The following PCDHA4 variants were observed in gnomAD, a reference collection of about 807,000 sequenced individuals.
The protein encoded by PCDHA4 is protocadherin alpha 4.
In PCDHA4, 49 loss-of-function variants were observed where a neutral mutation model predicts 61.4. The ratio of observed to expected loss-of-function variants is 0.80; its 90% CI spans 0.63 to 1.01. The LOEUF (loss-of-function observed/expected upper bound fraction) is 1.01, where lower values mean the gene tolerates loss of function less well. PCDHA4 is among the 50% of genes least tolerant of loss of function. The pLI, the probability that PCDHA4 is intolerant of heterozygous loss-of-function variation, is 0.00. For missense variants in PCDHA4, 1,254 were observed against 1,235.8 expected (o/e 1.01, Z -0.22); for synonymous variants, 590 against 550.3 (o/e 1.07, Z -1.01).
Position 140,848,663 on chromosome 5 carries a change from G to A in PCDHA4, c.2385+39091G>A, listed in dbSNP as rs2150416390. ...TCGCGCAGGACCTGGGGCTGGAGCT[G>A]GCGGAGCTGGTGCCGCGCCTGTTCC... On this transcript the variant is annotated intron_variant, in intron 1 of 3. Transcript: ENST00000530339. 3.8e-6 allele frequency: 6 copies of A among 1,592,360 alleles called. No homozygotes were observed. In the Admixed American group the frequency reaches 5.1e-5, roughly 13 times the overall value.
At chr5:140,991,535 A>G (rs1323346658) in intron 3 of PCDHA4, among the ~76,000 whole-genome samples, 4 of 152,244 alleles carry the variant, frequency 2.6e-5, no homozygotes, top group South Asian at 4.1e-4. Context: ...TTGCCACTAT[A>G]TAACAAGGAT....
chr5:140,814,918 G>A (rs2126660030), intron 1 of PCDHA4: 8 of 152,236 alleles, frequency 5.3e-5, no homozygotes, highest in African/African-American at 1.9e-4. Context: ...CTGGTGAATT[G>A]ACCTTTTATC....
intron 1 of PCDHA4, among the ~76,000 whole-genome samples, chr5:140,845,081 A>G (rs1413873569): frequency 1.3e-5 from 2 of 149,512 alleles, no homozygotes; most frequent in Non-Finnish European, 3.0e-5. Flanking sequence ...ATTGTTTTGT[A>G]GTTTATTTTA....
At chr5:140,869,038 C>A in intron 1 of PCDHA4, 1 of 1,528,506 alleles carries the variant, frequency 6.5e-7, no homozygotes, top group South Asian at 1.3e-5. Context: ...GATTTTTAAC[C>A]TGAAACTGAA....
chr5:140,926,793 G>T (rs2083556626), intron 1 of PCDHA4: 2 of 1,444,034 alleles, frequency 1.4e-6, no homozygotes, highest in Admixed American at 5.5e-5. Flanking sequence ...CGGCAGGAGC[G>T]TGCTCTTCCC....
At chr5:140,830,288 A>G in intron 1 of PCDHA4, 1 of 1,613,696 alleles carries the variant, frequency 6.2e-7, no homozygotes, top group East Asian at 2.2e-5. Flanking sequence ...GGGCGCGTGC[A>G]CGGCGGACAA....
intron 1 of PCDHA4, chr5:140,856,396 C>G: frequency 6.3e-7 from 1 of 1,598,526 alleles, no homozygotes. Flanking sequence ...TGCAGGTTTT[C>G]CATGTGGACG....
At position 140,807,829 on chromosome 5, in the gene PCDHA4, C is replaced by T. The variant is rs144103385; in HGVS notation, c.642C>T (p.Ala214=). 26 of 1,614,004 alleles carry T rather than the reference C, an allele frequency of 1.6e-5. No individual in the cohort carries two copies. Among genetic ancestry groups the T allele is most frequent in the Middle Eastern group, 1.6e-4 (1 of 6,084 alleles). The part of the protein sequence containing the change: ...EAPEIFLVLT[A]TDGGKPELTG... ...CGGAGATTTTTTTAGTGCTCACAGC[C>T]ACTGATGGAGGCAAACCCGAGTTGA... Residue 214 remains alanine (A), a synonymous_variant, in exon 1 of 4, where the codon GCC becomes GCT. Transcript: ENST00000530339.
At chr5:140,876,141 AG>A in intron 1 of PCDHA4, 1 of 1,613,984 alleles carries the variant, frequency 6.2e-7, no homozygotes, top group Non-Finnish European at 8.5e-7. Context: ...CAGAACTAAC[AG>A]GGTCTGTCCA....
intron 1 of PCDHA4, among the ~76,000 whole-genome samples, chr5:140,960,750 A>C (rs1367583531): frequency 6.6e-6 from 1 of 152,048 alleles, no homozygotes; most frequent in African/African-American, 2.4e-5. Context: ...CATGGCTAAA[A>C]TCCCAAGAGT....
chr5:140,929,154 T>C (rs1005551092), intron 1 of PCDHA4: 3 of 1,614,180 alleles, frequency 1.9e-6, no homozygotes, highest in Non-Finnish European at 1.7e-6. Context: ...CTCAGACTTA[T>C]CTCTATCGGG....
rs1015706913 is a variant in PCDHA4, at chr5:140,985,292, T to C, written c.2533+2729T>C. 2.0e-5 allele frequency among the ~76,000 whole-genome samples: 3 copies of C among 152,294 alleles called. No homozygotes were observed. The East Asian group carries it at 5.8e-4, about 29-fold the overall frequency. ...TACTTTTCTGCAATCTATGATATAG[T>C]GTTGGCTGATAGCCTGGTGGCCAGA... On this transcript the variant is annotated intron_variant, in intron 3 of 3. Transcript: ENST00000530339.
chr5:140,890,499 TTA>T (rs1320014650), intron 1 of PCDHA4, among the ~76,000 whole-genome samples: 1 of 152,222 alleles, frequency 6.6e-6, no homozygotes, highest in Non-Finnish European at 1.5e-5. Flanking sequence ...CTCACCATTT[TTA>T]TGTCTCTATT....
chr5:140,950,279 C>G (rs938821559), intron 1 of PCDHA4, among the ~76,000 whole-genome samples: 11 of 151,924 alleles, frequency 7.2e-5, no homozygotes, highest in African/African-American at 2.4e-4. Flanking sequence ...TGTCTTTTTG[C>G]TTCAACCTGA....
At chr5:140,877,649 C>A (rs369703340) in intron 1 of PCDHA4, 1 of 1,613,438 alleles carries the variant, frequency 6.2e-7, no homozygotes, top group Non-Finnish European at 8.5e-7. Context: ...TGCTCAGCGC[C>A]GCCCACCGTG....
At chr5:140,885,832 T>C (rs888778134) in intron 1 of PCDHA4, among the ~76,000 whole-genome samples, 1 of 152,244 alleles carries the variant, frequency 6.6e-6, no homozygotes, top group South Asian at 2.1e-4. Flanking sequence ...TTCTTTGATT[T>C]ATCCATTAAG....
chr5:140,887,222 G>A (rs1406254180), intron 1 of PCDHA4, among the ~76,000 whole-genome samples: 1 of 151,284 alleles, frequency 6.6e-6, no homozygotes, highest in Non-Finnish European at 1.5e-5. Flanking sequence ...TCAGCCTCCC[G>A]AGTAGCTGAG....
In PCDHA4 at chr5:140,883,790, G is replaced by T. The variant is rs200436467; in HGVS notation, c.2385+74218G>T. ...GGGCGAGCGTGCGCTGTCGAGCTAC[G>T]TGTCGGTGCACGCGGAGAGCGGCAA... On this transcript the variant is annotated intron_variant, in intron 1 of 3. Coordinates refer to ENST00000530339, the MANE Select transcript of PCDHA4 (RefSeq NM_018907.4). The T allele has an allele frequency of 3.5e-5, 57 of 1,612,406 alleles. No homozygotes were observed. The highest frequency in any genetic ancestry group is 4.3e-5 in the Non-Finnish European group (51 of 1,179,760).
intron 1 of PCDHA4, among the ~76,000 whole-genome samples, chr5:140,902,233 T>C (rs1402685005): frequency 6.7e-6 from 1 of 149,150 alleles, no homozygotes; most frequent in African/African-American, 2.5e-5. Context: ...AGATGAGGAC[T>C]TGCTTTGTTG....
Sources: allele counts gnomAD v4.1 joint callset (sites outside exome capture counted in the v4.1 genomes callset), GRCh38; gene constraint gnomAD v4.1.1; transcripts MANE v1.5; gene names NCBI Gene and HGNC (gene_info 2026-07-23, HGNC 2026-07-21).